Variants in PRKCH observed in about 807,000 individuals in gnomAD.
PRKCH encodes protein kinase C eta type.
In PRKCH, 28 loss-of-function variants were observed where a neutral mutation model predicts 82.5. That is an observed-to-expected ratio of 0.34 (90% CI 0.25 to 0.47). The LOEUF (loss-of-function observed/expected upper bound fraction) is 0.47. PRKCH is among the 20% of genes least tolerant of loss of function. PRKCH has a pLI of 1.00. For synonymous variants in PRKCH, 322 were observed against 327.4 expected (o/e 0.98, Z 0.18); for missense variants, 705 against 881.8 (o/e 0.80, Z 2.54).
intron 1 of PRKCH, among the ~76,000 whole-genome samples, chr14:61,275,609 GC>G (rs1232205272): frequency 6.6e-6 from 1 of 152,120 alleles, no homozygotes; most frequent in East Asian, 1.9e-4. Context: ...AAAGAGGTGA[GC>G]CACCATTCGC....
At chr14:61,219,636 G>A (rs1018561157) in intron 1 of PRKCH, among the ~76,000 whole-genome samples, 2 of 151,998 alleles carry the variant, frequency 1.3e-5, no homozygotes, top group Non-Finnish European at 2.9e-5. Flanking sequence ...TATATCTTAG[G>A]GTTTTGTTAA....
chr14:61,343,287 T>G (rs2045950460), intron 1 of PRKCH, among the ~76,000 whole-genome samples: 1 of 147,046 alleles, frequency 6.8e-6, no homozygotes, highest in Non-Finnish European at 1.5e-5. Context: ...TCTGAAATAG[T>G]TATAACCCAA....
intron 1 of PRKCH, among the ~76,000 whole-genome samples, chr14:61,387,752 A>G (rs2046610148): frequency 6.6e-6 from 1 of 152,204 alleles, no homozygotes; most frequent in Admixed American, 6.5e-5. Context: ...GTACCCTTTT[A>G]TATGTATACA....
At chr14:61,208,217 T>C (rs1468144076) in intron 1 of PRKCH, among the ~76,000 whole-genome samples, 2 of 152,236 alleles carry the variant, frequency 1.3e-5, no homozygotes, top group Non-Finnish European at 2.9e-5. Context: ...CTTTCATTTA[T>C]TTTTTAATTT....
chr14:61,384,734 C>T (rs1007109950), intron 1 of PRKCH, among the ~76,000 whole-genome samples: 6 of 151,972 alleles, frequency 3.9e-5, no homozygotes, highest in African/African-American at 1.5e-4. Context: ...ATCATTCAGT[C>T]AAGAAATGCT....
Position 61,428,042 on chromosome 14 carries a change from T to TAGATAGATAGATAG in PRKCH, c.428-15068_428-15067insGATAGATAGATAGA, listed in dbSNP as rs1555386067. 6.5e-3 allele frequency among the ~76,000 whole-genome samples: 790 copies of TAGATAGATAGATAG among 121,870 alleles called. 3 individuals carry two copies. The highest frequency in any genetic ancestry group is 8.8e-3 in the South Asian group (30 of 3,408). The allele number at this position is 121,870 out of a possible 152,430, so 80.0% of individuals were successfully genotyped here. A position where few individuals can be genotyped will look rare whatever the true frequency, so the allele number is the denominator to read the frequency against. On this transcript the variant is annotated intron_variant, in intron 2 of 13. Transcript: ENST00000332981. Reference sequence around the variant, plus strand: ...AACCTCATCTCCACAAATATATATATATAGATAGATAGATAGATAGATAGA... The same window carrying TAGATAGATAGATAG: ...AACCTCATCTCCACAAATATATATATAGATAGATAGATAGATAGATAGATAGATAGATAGATAGA...
At chr14:61,256,009 A>G (rs1450365328) in intron 1 of PRKCH, among the ~76,000 whole-genome samples, 1 of 152,236 alleles carries the variant, frequency 6.6e-6, no homozygotes, top group Non-Finnish European at 1.5e-5. Flanking sequence ...AAACTGTCCT[A>G]GTGCATAAAG....
At chr14:61,494,906 A>G (rs946304003) in intron 10 of PRKCH, among the ~76,000 whole-genome samples, 3 of 152,208 alleles carry the variant, frequency 2.0e-5, no homozygotes, top group African/African-American at 4.8e-5. Flanking sequence ...CAAGTGATTG[A>G]TATACTTACC....
At chr14:61,339,209 A>T (rs1011063176) in intron 1 of PRKCH, among the ~76,000 whole-genome samples, 1 of 151,772 alleles carries the variant, frequency 6.6e-6, no homozygotes, top group African/African-American at 2.4e-5. Context: ...CCTCCTGTTC[A>T]GGCTTAGCCC....
chr14:61,243,473 T>C (rs1256533028), intron 1 of PRKCH, among the ~76,000 whole-genome samples: 1 of 151,088 alleles, frequency 6.6e-6, no homozygotes, highest in East Asian at 1.9e-4. Flanking sequence ...GAGAATAACA[T>C]GTGCAAAGAG....
chr14:61,528,973 C>CGTGTGTGTGTGTGTGTGTGTGT lies in PRKCH; in HGVS notation c.1434-90_1434-69dup, dbSNP rs57920054. ...GCTCATGCGGCCGCATGTGGCCGCA[C>CGTGTGTGTGTGTGTGTGTGTGT]GTGTGTGTGTGTGTGTGTGTGTGTG... On this transcript the variant is annotated intron_variant, in intron 10 of 13. Transcript: ENST00000332981. The CGTGTGTGTGTGTGTGTGTGTGT allele has an allele frequency of 1.6e-3, 929 of 567,202 alleles. 18 individuals are homozygous for CGTGTGTGTGTGTGTGTGTGTGT. In the African/African-American group the frequency reaches 0.022, roughly 13 times the overall value. 35.1% of individuals were successfully genotyped at this position (567,202 alleles called of 1,614,324 possible). A position where few individuals can be genotyped will look rare whatever the true frequency, so the allele number is the denominator to read the frequency against.
chr14:61,389,450 A>G (rs2046639410), intron 1 of PRKCH, among the ~76,000 whole-genome samples: 4 of 152,112 alleles, frequency 2.6e-5, no homozygotes, highest in Non-Finnish European at 5.9e-5. Context: ...CAGTGACTTG[A>G]GAGGCTGAGG....
At chr14:61,512,094 A>T (rs1002108509) in intron 10 of PRKCH, among the ~76,000 whole-genome samples, 1 of 152,042 alleles carries the variant, frequency 6.6e-6, no homozygotes, top group South Asian at 2.1e-4. Context: ...TAATGGGAAA[A>T]TATATCACTT....
chr14:61,278,939 G>A (rs1444222064), intron 1 of PRKCH: 6 of 146,536 alleles, frequency 4.1e-5, no homozygotes, highest in African/African-American at 1.2e-4. Flanking sequence ...TTTTTTCCAG[G>A]TCCAAGGGAA....
chr14:61,407,659 G>T (rs1882026407), intron 2 of PRKCH, among the ~76,000 whole-genome samples: 2 of 152,148 alleles, frequency 1.3e-5, no homozygotes, highest in Non-Finnish European at 2.9e-5. Context: ...GGTGTTGGAC[G>T]TCCTCATTTG....
intron 1 of PRKCH, among the ~76,000 whole-genome samples, chr14:61,387,671 T>C (rs2046609312): frequency 1.3e-5 from 2 of 152,142 alleles, no homozygotes; most frequent in African/African-American, 2.4e-5. Flanking sequence ...ACAAATAACC[T>C]CCAAAGCCAC....
intron 1 of PRKCH, among the ~76,000 whole-genome samples, chr14:61,257,598 C>T (rs2045008713): frequency 1.3e-5 from 1 of 75,984 alleles, no homozygotes; most frequent in Admixed American, 1.4e-4. Context: ...CTCTCTGTCA[C>T]ACACAGACAC....
chr14:61,367,345 C>CGTGTGT (rs1349074944), intron 1 of PRKCH, among the ~76,000 whole-genome samples: 9 of 142,778 alleles, frequency 6.3e-5, no homozygotes, highest in African/African-American at 2.2e-4. Context: ...TCAGGTATTG[C>CGTGTGT]GTGTGTGTGT....
chr14:61,324,794 C>T (rs1176070430), intron 1 of PRKCH, among the ~76,000 whole-genome samples: 1 of 152,052 alleles, frequency 6.6e-6, no homozygotes, highest in Admixed American at 6.6e-5. Context: ...TAAAGAAATA[C>T]TTATTTATCT....
Sources: allele counts gnomAD v4.1 joint callset (sites outside exome capture counted in the v4.1 genomes callset), GRCh38; gene constraint gnomAD v4.1.1; transcripts MANE v1.5; gene names NCBI Gene and HGNC (gene_info 2026-07-23, HGNC 2026-07-21).